The following AOX1 variants were observed in gnomAD, a reference collection of about 807,000 sequenced individuals.
AOX1 encodes aldehyde oxidase.
In AOX1, 153 loss-of-function variants were observed where a neutral mutation model predicts 169.5. The observed-to-expected ratio is 0.90, with a 90% CI of 0.79 to 1.03. The LOEUF is 1.03. AOX1 is among the 50% of genes least tolerant of loss of function. The pLI, the probability that AOX1 is intolerant of heterozygous loss-of-function variation, is 0.00. For missense variants in AOX1, 1,656 were observed against 1,663.9 expected, an observed-to-expected ratio of 1.00 and a Z score of 0.08; for synonymous variants, 562 against 581.9, an observed-to-expected ratio of 0.97 and a Z score of 0.49.
intron 9 of AOX1, 26 bp from the exon 10 acceptor site, chr2:200,605,510 A>ATT (rs3038607): frequency 2.3e-3 from 2,724 of 1,206,706 alleles, no homozygotes; most frequent in Non-Finnish European, 2.5e-3. Flanking sequence ...AGTCTTATTG[A>ATT]TTTTTTTTTT....
Position 200,620,656 on chromosome 2 carries a change from G to C in AOX1, c.1711G>C (p.Gly571Arg). 1 of 1,535,554 alleles carries C rather than the reference G, an allele frequency of 6.5e-7. No individual in the cohort carries two copies. The highest frequency in any genetic ancestry group is 8.7e-7 in the Non-Finnish European group (1 of 1,152,784). ...HCSTLKYQNI[G>R]PKQHPEDPIG... ...TTGGTTATTTATTAAACAGAATATAGGCCCAAAGCAGCATCCTGAAGACCC... is the reference window on the plus strand; with the variant it reads ...TTGGTTATTTATTAAACAGAATATACGCCCAAAGCAGCATCCTGAAGACCC... The change falls in exon 17 of 35, where the codon GGC (glycine) becomes CGC (arginine). Residue 571 changes from glycine to arginine, a missense_variant. Transcript: ENST00000374700.
chr2:200,604,685 T>C lies in AOX1; in HGVS notation c.670-11T>C. The C allele has an allele frequency of 6.2e-7, 1 of 1,613,850 alleles. No homozygotes were observed. The highest frequency in any genetic ancestry group is 8.5e-7 in the Non-Finnish European group (1 of 1,179,796). ...ATTGGGTACCTTGAATCCCTATTGCTTTTTCAATAGATAATGGCTGAGAAA... is the reference window on the plus strand; with the variant it reads ...ATTGGGTACCTTGAATCCCTATTGCCTTTTCAATAGATAATGGCTGAGAAA... On this transcript the variant is annotated splice_polypyrimidine_tract_variant and intron_variant, in intron 8 of 34. Transcript: ENST00000374700.
downstream of AOX1, among the ~76,000 whole-genome samples, chr2:200,680,566 G>A (rs2036143358): frequency 1.2e-5 from 1 of 83,958 alleles, no homozygotes; most frequent in African/African-American, 4.4e-5. Context: ...TTTGTTTTGA[G>A]GCAGAATCTT....
intron 24 of AOX1, among the ~76,000 whole-genome samples, chr2:200,641,724 G>T (rs922409814): frequency 6.6e-6 from 1 of 151,938 alleles, no homozygotes; most frequent in Non-Finnish European, 1.5e-5. Flanking sequence ...TGTAGAGATG[G>T]GTTCTCACTA....
At position 200,620,626 on chromosome 2, in the gene AOX1, A is replaced by G. The variant is rs567696005; in HGVS notation, c.1705-24A>G. The G allele has an allele frequency of 2.0e-6, 3 of 1,485,452 alleles. No homozygotes were observed. In the South Asian group the frequency reaches 4.4e-5, roughly 22 times the overall value. The allele number at this position is 1,485,452 out of a possible 1,614,324, so 92.0% of individuals were successfully genotyped here. On this transcript the variant is annotated intron_variant, in intron 16 of 34. Transcript: ENST00000374700. ...ACTTTCTCTATAGAAATGTAAAAGT[A>G]TATTTTGGTTATTTATTAAACAGAA... is the stretch of plus-strand genomic sequence containing the variant.
At chr2:200,641,739 G>A (rs1378867961) in intron 24 of AOX1, among the ~76,000 whole-genome samples, 1 of 151,882 alleles carries the variant, frequency 6.6e-6, no homozygotes, top group Non-Finnish European at 1.5e-5. Flanking sequence ...TCACTATGTT[G>A]CCAGAGCTGA....
At chr2:200,615,062 G>GGT (rs1410833228) in intron 15 of AOX1, among the ~76,000 whole-genome samples, 2 of 151,896 alleles carry the variant, frequency 1.3e-5, no homozygotes, top group African/African-American at 4.8e-5. Flanking sequence ...GGAATACAGT[G>GGT]GTGTGATATC....
At chr2:200,630,597 A>AG (rs1553572672) in intron 20 of AOX1, among the ~76,000 whole-genome samples, 3 of 145,434 alleles carry the variant, frequency 2.1e-5, no homozygotes, top group Non-Finnish European at 4.5e-5. Flanking sequence ...GAAGGAAGGA[A>AG]GGAGGGGAAG....
At chr2:200,602,681 C>T (rs2034442148) in intron 6 of AOX1, among the ~76,000 whole-genome samples, 1 of 152,114 alleles carries the variant, frequency 6.6e-6, no homozygotes, top group Non-Finnish European at 1.5e-5. Flanking sequence ...TACACATGTC[C>T]CGTCACAGCT....
At chr2:200,663,037 A>G in intron 31 of AOX1, 68 bp downstream of exon 31, 1 of 1,237,142 alleles carries the variant, frequency 8.1e-7, no homozygotes, top group South Asian at 1.2e-5. Context: ...GATGCCATCT[A>G]TCTGAGGAGA....
At chr2:200,680,132 G>T (rs143289824), downstream of AOX1, among the ~76,000 whole-genome samples, 1 of 152,060 alleles carries the variant, frequency 6.6e-6, no homozygotes, top group Non-Finnish European at 1.5e-5. Context: ...ACAAGGACGC[G>T]TATTCTATGT....
chr2:200,627,311 G>T (rs768234257), intron 19 of AOX1, 42 bp from the exon 20 acceptor site: 5 of 1,395,398 alleles, frequency 3.6e-6, no homozygotes, highest in Middle Eastern at 1.8e-4. Context: ...CTAGGGCAGG[G>T]TCTCTTGCCC....
chr2:200,620,612 A>G, intron 16 of AOX1, 38 bp from the exon 17 acceptor site: 3 of 1,443,500 alleles, frequency 2.1e-6, no homozygotes, highest in Non-Finnish European at 2.7e-6. Context: ...CTTTCTCTAT[A>G]GAAATGTAAA....
chr2:200,625,271 G>C (rs1318655701), intron 19 of AOX1, among the ~76,000 whole-genome samples: 1 of 152,082 alleles, frequency 6.6e-6, no homozygotes, highest in Non-Finnish European at 1.5e-5. Context: ...TTGCTGGAGA[G>C]TTAGAATTAC....
At chr2:200,657,190 A>ATATATATATATATATATTTT in intron 27 of AOX1, among the ~76,000 whole-genome samples, 14 of 62,876 alleles carry the variant, frequency 2.2e-4, no homozygotes, top group Non-Finnish European at 3.4e-4. Flanking sequence ...ATATATATAT[A>ATATATATATATATATATTTT]TTTTTTTTTT....
At chr2:200,659,579 C>T (rs965371388) in intron 28 of AOX1, among the ~76,000 whole-genome samples, 2 of 152,204 alleles carry the variant, frequency 1.3e-5, no homozygotes, top group Admixed American at 1.3e-4. Context: ...AAGACAGGCT[C>T]GCGCCTCTCC....
intron 26 of AOX1, among the ~76,000 whole-genome samples, chr2:200,655,209 A>C (rs573760272): frequency 6.6e-6 from 1 of 152,324 alleles, no homozygotes; most frequent in South Asian, 2.1e-4. Context: ...GCTATGTTGC[A>C]TTCCGAGAGA....
At chr2:200,666,861 C>T (rs1231992281) in intron 32 of AOX1, 109 bp downstream of exon 32, 4 of 701,964 alleles carry the variant, frequency 5.7e-6, no homozygotes, top group African/African-American at 3.6e-5. Flanking sequence ...TTTTCTAACC[C>T]TTTAGTCAAC....
chr2:200,603,214 C>A, intron 6 of AOX1, 53 bp from the exon 7 acceptor site: 1 of 1,398,520 alleles, frequency 7.2e-7, no homozygotes, highest in Non-Finnish European at 1.0e-6. Flanking sequence ...GCTTTATTTA[C>A]TAGTTAGTAG....
Sources: allele counts gnomAD v4.1 joint callset (sites outside exome capture counted in the v4.1 genomes callset), GRCh38; gene constraint gnomAD v4.1.1; transcripts MANE v1.5; gene names NCBI Gene and HGNC (gene_info 2026-07-23, HGNC 2026-07-21).